SYT14: variants seen among roughly 807,000 people sequenced by gnomAD.
SYT14 encodes synaptotagmin-14.
In SYT14, 32 loss-of-function variants were observed where a neutral mutation model predicts 74.2. The observed-to-expected ratio is 0.43, with a 90% confidence interval of 0.33 to 0.58. The LOEUF (loss-of-function observed/expected upper bound fraction) is 0.58, where lower values mean the gene tolerates loss of function less well. SYT14 is among the 20% of genes least tolerant of loss of function. The probability of loss-of-function intolerance (pLI) is 0.05; values close to 1 mark genes in which losing one functional copy is unlikely to be tolerated. For missense variants in SYT14, 791 were observed against 981.8 expected (o/e 0.81, Z 2.60); for synonymous variants, 298 against 337.7 (o/e 0.88, Z 1.29).
At chr1:209,942,730 C>T (rs1253688257) in intron 1 of SYT14, among the ~76,000 whole-genome samples, 1 of 152,156 alleles carries the variant, frequency 6.6e-6, no homozygotes, top group Non-Finnish European at 1.5e-5. Flanking sequence ...AACTTCCTTC[C>T]TTCATCCGGT....
intron 2 of SYT14, among the ~76,000 whole-genome samples, chr1:209,982,442 C>G (rs2079503322): frequency 6.6e-6 from 1 of 152,206 alleles, no homozygotes; most frequent in African/African-American, 2.4e-5. Flanking sequence ...AGGCATGAAA[C>G]TGTTTTTAAA....
At chr1:210,061,765 C>T (rs975110373) in intron 5 of SYT14, among the ~76,000 whole-genome samples, 9 of 151,940 alleles carry the variant, frequency 5.9e-5, no homozygotes, top group African/African-American at 2.2e-4. Flanking sequence ...AAAGTATTCT[C>T]AATTCACAAT....
At chr1:210,064,713 C>G (rs530719638) in intron 5 of SYT14, among the ~76,000 whole-genome samples, 23 of 152,122 alleles carry the variant, frequency 1.5e-4, no homozygotes, top group South Asian at 1.2e-3. Flanking sequence ...GTGAATAATA[C>G]TACTATAAAC....
intron 7 of SYT14, among the ~76,000 whole-genome samples, chr1:210,101,308 A>G (rs1169350045): frequency 7.2e-5 from 11 of 152,186 alleles, no homozygotes; most frequent in Admixed American, 7.2e-4. Context: ...TAAAATATAA[A>G]TATACAGATT....
At chr1:210,083,281 A>G (rs1254756939) in intron 5 of SYT14, among the ~76,000 whole-genome samples, 4 of 152,166 alleles carry the variant, frequency 2.6e-5, no homozygotes, top group Admixed American at 6.5e-5. Context: ...GTGAGCCGCC[A>G]TGCCCAGCCG....
intron 2 of SYT14, among the ~76,000 whole-genome samples, chr1:209,964,190 G>T (rs542060871): frequency 2.0e-5 from 3 of 152,242 alleles, no homozygotes; most frequent in African/African-American, 7.2e-5. Context: ...AGATCTAATG[G>T]TTTTATAAGA....
intron 6 of SYT14, among the ~76,000 whole-genome samples, chr1:210,099,168 T>C (rs2082016539): frequency 6.6e-6 from 1 of 152,152 alleles, no homozygotes; most frequent in Admixed American, 6.5e-5. Flanking sequence ...GTGGTATAGT[T>C]GAAAGGTCAG....
At chr1:210,052,201 CA>C (rs1156282044) in intron 5 of SYT14, among the ~76,000 whole-genome samples, 1 of 151,894 alleles carries the variant, frequency 6.6e-6, no homozygotes, top group Non-Finnish European at 1.5e-5. Context: ...TCCCCCATGA[CA>C]AAGTGTTTGG....
exon 1 of SYT14, chr1:209,938,276 A>C: frequency 6.4e-7 from 1 of 1,559,552 alleles, no homozygotes; most frequent in Middle Eastern, 1.7e-4. Context: ...TGGCGATTGA[A>C]GGTAAGTGGA....
At chr1:209,992,960 G>C (rs1321919067) in intron 2 of SYT14, among the ~76,000 whole-genome samples, 1 of 152,166 alleles carries the variant, frequency 6.6e-6, no homozygotes, top group East Asian at 1.9e-4. Context: ...CTGGGAAAGA[G>C]GTGAATGAAG....
chr1:210,099,379 A>G (rs1348224470), intron 6 of SYT14, among the ~76,000 whole-genome samples: 1 of 152,108 alleles, frequency 6.6e-6, no homozygotes, highest in Non-Finnish European at 1.5e-5. Context: ...ATGTTAGAAA[A>G]TAATATGTTT....
chr1:209,968,392 A>G (rs1158248212), intron 2 of SYT14, among the ~76,000 whole-genome samples: 1 of 151,722 alleles, frequency 6.6e-6, no homozygotes, highest in East Asian at 1.9e-4. Flanking sequence ...TATGGATAGT[A>G]CTCCATATGG....
intron 5 of SYT14, among the ~76,000 whole-genome samples, chr1:210,032,741 GT>G (rs2080569689): frequency 6.6e-6 from 1 of 150,714 alleles, no homozygotes; most frequent in Admixed American, 6.6e-5. Context: ...TATCAATTCT[GT>G]TTTTTTATTT....
intron 5 of SYT14, among the ~76,000 whole-genome samples, chr1:210,051,445 G>T (rs2080994252): frequency 6.6e-6 from 1 of 152,070 alleles, no homozygotes; most frequent in African/African-American, 2.4e-5. Flanking sequence ...TAAAACATTA[G>T]TCTAAATTAA....
At chr1:209,968,228 A>G (rs748215135) in intron 2 of SYT14, among the ~76,000 whole-genome samples, 2 of 152,132 alleles carry the variant, frequency 1.3e-5, no homozygotes, top group Admixed American at 6.6e-5. Flanking sequence ...ATTGAGTGCT[A>G]TGCATAGTCC....
chr1:210,049,370 A>G lies in SYT14; in HGVS notation c.1312+28116A>G, dbSNP rs111231222. 8.2e-3 allele frequency among the ~76,000 whole-genome samples: 1,235 copies of G among 149,972 alleles called. 21 individuals are homozygous for G. The highest frequency in any genetic ancestry group is 0.029 in the African/African-American group (1,179 of 40,326). ...CATACATCTTCTGAAATCTAGGCGG[A>G]GGTTCTCAAACACCAATTCTTTTTT... On this transcript the variant is annotated intron_variant, in intron 5 of 9. Transcript: ENST00000637265.
chr1:209,958,822 T>G (rs2079031158), intron 2 of SYT14, among the ~76,000 whole-genome samples: 1 of 152,190 alleles, frequency 6.6e-6, no homozygotes, highest in South Asian at 2.1e-4. Flanking sequence ...TTTGGCAGCT[T>G]CCTGGGGAAA....
chr1:210,074,366 A>G (rs1253091850), intron 5 of SYT14, among the ~76,000 whole-genome samples: 1 of 152,216 alleles, frequency 6.6e-6, no homozygotes, highest in Admixed American at 6.5e-5. Flanking sequence ...AGTGAATGGA[A>G]GAGGTAGAAT....
intron 5 of SYT14, among the ~76,000 whole-genome samples, chr1:210,031,529 T>C (rs1289278591): frequency 6.6e-6 from 1 of 152,168 alleles, no homozygotes; most frequent in Non-Finnish European, 1.5e-5. Flanking sequence ...AATTTACCAC[T>C]GAATCCAAAA....
Sources: gnomAD v4.1 joint callset for allele counts (sites outside exome capture counted in the v4.1 genomes callset) on GRCh38, gnomAD v4.1.1 for gene constraint, MANE v1.5 for transcripts, NCBI Gene and HGNC (gene_info 2026-07-23, HGNC 2026-07-21) for gene names.